CRB1: variants seen among roughly 807,000 people sequenced by gnomAD.
CRB1 encodes the protein crumbs cell polarity complex component 1.
A neutral mutation model predicts 120.0 loss-of-function variants in CRB1; 83 were observed. The observed-to-expected ratio is 0.69, with a 90% CI of 0.58 to 0.83. The LOEUF is 0.83. Ranked by LOEUF, CRB1 falls within the 40% of genes least tolerant of loss-of-function variation. The pLI is 0.00. For missense variants in CRB1, 1,699 were observed against 1,687.6 expected, an observed-to-expected ratio of 1.01 and a Z score of -0.12; for synonymous variants, 625 against 612.5, an observed-to-expected ratio of 1.02 and a Z score of -0.30.
At chr1:197,381,540 TA>T (rs1661957722) in intron 5 of CRB1, among the ~76,000 whole-genome samples, 1 of 152,200 alleles carries the variant, frequency 6.6e-6, no homozygotes, top group South Asian at 2.1e-4. Context: ...TATGTGTAAC[TA>T]AACGTGTTTC....
intron 4 of CRB1, among the ~76,000 whole-genome samples, chr1:197,356,299 G>A (rs1414715340): frequency 6.6e-6 from 1 of 152,166 alleles, no homozygotes; most frequent in Non-Finnish European, 1.5e-5. Flanking sequence ...TCTATAAAGT[G>A]ACAAATCATG....
At chr1:197,254,358 T>C in the CRB1 span, among the ~76,000 whole-genome samples, 324 of 152,206 alleles carry the variant, frequency 2.1e-3, 1 homozygote, top group Non-Finnish European at 3.9e-3. Context: ...AAAAATACTA[T>C]AGGGAGCTAA....
At chr1:197,329,716 C>T (rs1658739985) in intron 2 of CRB1, among the ~76,000 whole-genome samples, 2 of 152,208 alleles carry the variant, frequency 1.3e-5, no homozygotes, top group South Asian at 4.1e-4. Context: ...CAATTCTTCA[C>T]GATGGCCACA....
At chr1:197,240,030 C>G in the CRB1 span, among the ~76,000 whole-genome samples, 2 of 151,638 alleles carry the variant, frequency 1.3e-5, no homozygotes, top group African/African-American at 2.4e-5. Context: ...ATAATTATCT[C>G]AAATATCTCC....
At chr1:197,410,985 A>G (rs930191670) in intron 5 of CRB1, among the ~76,000 whole-genome samples, 7 of 152,196 alleles carry the variant, frequency 4.6e-5, no homozygotes, top group South Asian at 4.1e-4. Flanking sequence ...TGTTGGTACT[A>G]GTTTTCACAG....
Position 197,344,205 on chromosome 1 carries a change from AG to A in CRB1, c.653-75del. On this transcript the variant is annotated intron_variant, in intron 2 of 11. Transcript: ENST00000367400. ...ATTTGACAAGTGCTCTGGTAAACAA[AG>A]CATTGTCAAATTGCTAAATTATGAA... The A allele has an allele frequency of 4.4e-6, 6 of 1,356,500 alleles. No individual in the cohort carries two copies. The South Asian group carries it at 7.0e-5, about 16-fold the overall frequency. The allele number at this position is 1,356,500 out of a possible 1,614,324, so 84.0% of individuals were successfully genotyped here.
At chr1:197,285,115 G>A (rs1038553334) in intron 1 of CRB1, among the ~76,000 whole-genome samples, 2 of 151,926 alleles carry the variant, frequency 1.3e-5, no homozygotes, top group African/African-American at 4.8e-5. Context: ...GATCATTCAT[G>A]TCAACATGAA....
intron 1 of CRB1, among the ~76,000 whole-genome samples, chr1:197,269,743 A>G (rs1161608713): frequency 6.6e-6 from 1 of 152,156 alleles, no homozygotes; most frequent in Non-Finnish European, 1.5e-5. Flanking sequence ...AATGTAATAT[A>G]TATGGAAATT....
intron 1 of CRB1, among the ~76,000 whole-genome samples, chr1:197,277,131 A>G (rs576311935): frequency 3.9e-5 from 6 of 152,100 alleles, no homozygotes; most frequent in Middle Eastern, 3.4e-3. Flanking sequence ...GTCCTAAATA[A>G]TAAAAGTTTT....
At chr1:197,204,479 G>A in the CRB1 span, among the ~76,000 whole-genome samples, 1 of 152,142 alleles carries the variant, frequency 6.6e-6, no homozygotes, top group African/African-American at 2.4e-5. Flanking sequence ...ATTCTTGCAG[G>A]ATTAAGGTGG....
intron 11 of CRB1, among the ~76,000 whole-genome samples, chr1:197,462,835 G>A (rs1012309718): frequency 1.3e-5 from 2 of 151,602 alleles, no homozygotes; most frequent in African/African-American, 2.4e-5. Context: ...AGCAAATAAC[G>A]CCAGAGTGTC....
At chr1:197,281,936 A>C (rs1280460589) in intron 1 of CRB1, among the ~76,000 whole-genome samples, 1 of 151,798 alleles carries the variant, frequency 6.6e-6, no homozygotes, top group African/African-American at 2.4e-5. Flanking sequence ...TTCAAAGGGG[A>C]GACCCAGTTA....
chr1:197,227,643 T>C, the CRB1 span, among the ~76,000 whole-genome samples: 4 of 152,058 alleles, frequency 2.6e-5, no homozygotes, highest in African/African-American at 9.7e-5. Context: ...TTTTCCAGGC[T>C]CATGGTACAA....
intron 7 of CRB1, 63 bp from the exon 8 acceptor site, chr1:197,429,386 C>T: frequency 1.3e-6 from 2 of 1,569,734 alleles, no homozygotes; most frequent in Admixed American, 3.3e-5. Flanking sequence ...TGTGGTTTCA[C>T]CGTCAACATT....
Position 197,421,696 on chromosome 1 carries a change from A to G in CRB1, c.1868A>G (p.Asn623Ser), listed in dbSNP as rs1400964618. The part of the protein sequence containing the change: ...LGGLPVGMTS[N>S]GVALLNFYNM... ...GGTTTACCAGTGGGAATGACCAGCA[A>G]TGGTGTTGCTCTGCTTAACTTCTAT... Residue 623 changes from asparagine to serine, a missense_variant, in exon 6 of 12, where the codon AAT (asparagine) becomes AGT (serine). Transcript: ENST00000367400. 3 of 1,614,224 alleles carry G rather than the reference A, an allele frequency of 1.9e-6. No homozygotes were observed. Among genetic ancestry groups the G allele is most frequent in the Non-Finnish European group, 2.5e-6 (3 of 1,180,042 alleles).
chr1:197,463,073 T>C lies in CRB1; in HGVS notation c.4006-14591T>C, dbSNP rs903609610. ...TGTGTTGAAACTGGAGGGGAGCACA[T>C]GGCTGTTTTATAAGAGCCACAACCC... On this transcript the variant is annotated intron_variant, in intron 11 of 11. Transcript: ENST00000367400. Among the ~76,000 whole-genome samples the C allele has an allele frequency of 3.6e-4, 55 of 152,302 alleles. No individual in the cohort carries two copies. In the Middle Eastern group the frequency reaches 0.014, roughly 38 times the overall value.
At chr1:197,379,443 G>A (rs1307317610) in intron 5 of CRB1, among the ~76,000 whole-genome samples, 1 of 151,646 alleles carries the variant, frequency 6.6e-6, no homozygotes, top group Non-Finnish European at 1.5e-5. Context: ...GGGACTACAG[G>A]CTCCCGCCAC....
chr1:197,313,888 G>A (rs1657692884), intron 1 of CRB1, among the ~76,000 whole-genome samples: 1 of 152,188 alleles, frequency 6.6e-6, no homozygotes, highest in African/African-American at 2.4e-5. Context: ...ATAAACGTGG[G>A]AGTGCAAATA....
intron 11 of CRB1, among the ~76,000 whole-genome samples, chr1:197,452,091 C>G (rs1381486744): frequency 1.3e-5 from 2 of 152,188 alleles, no homozygotes; most frequent in Non-Finnish European, 2.9e-5. Flanking sequence ...TCTAATCCAA[C>G]TTCTTTATGT....
Sources: gnomAD v4.1 joint callset for allele counts (sites outside exome capture counted in the v4.1 genomes callset) on GRCh38, gnomAD v4.1.1 for gene constraint, MANE v1.5 for transcripts, NCBI Gene and HGNC (gene_info 2026-07-23, HGNC 2026-07-21) for gene names.